PCCA: variants seen among roughly 807,000 people sequenced by gnomAD.
PCCA encodes propionyl-CoA carboxylase alpha chain, mitochondrial.
A neutral mutation model predicts 101.3 loss-of-function variants in PCCA; 74 were observed. The observed-to-expected ratio is 0.73, with a 90% confidence interval of 0.61 to 0.89. PCCA has a LOEUF of 0.89. Among genes scored for constraint, PCCA ranks in the 40% least tolerant of loss-of-function variants. PCCA has a pLI of 0.00. For synonymous variants in PCCA, 294 were observed against 313.6 expected (o/e 0.94, Z 0.66); for missense variants, 891 against 907.0 (o/e 0.98, Z 0.23).
intron 21 of PCCA, among the ~76,000 whole-genome samples, chr13:100,471,828 C>T (rs150972218): frequency 1.1e-4 from 17 of 152,302 alleles, no homozygotes; most frequent in South Asian, 2.1e-4. Context: ...CGGTGCTTCT[C>T]GTGTGCAGGC....
chr13:100,358,329 A>G (rs2074167718), intron 18 of PCCA, among the ~76,000 whole-genome samples: 3 of 152,226 alleles, frequency 2.0e-5, no homozygotes, highest in South Asian at 4.1e-4. Context: ...TTTACTTGGC[A>G]TGCAATCTAA....
At chr13:100,128,655 T>A (rs914023512) in intron 4 of PCCA, among the ~76,000 whole-genome samples, 3 of 152,188 alleles carry the variant, frequency 2.0e-5, no homozygotes, top group Admixed American at 6.5e-5. Flanking sequence ...CTCAGTACTC[T>A]ACTATAGAGT....
chr13:100,150,960 C>A (rs1187255267), intron 4 of PCCA: 12 of 1,519,084 alleles, frequency 7.9e-6, no homozygotes, highest in Non-Finnish European at 1.1e-5. Context: ...CGCGCTTTAT[C>A]AGGCTGGGTG....
At chr13:100,127,659 G>A (rs193289926) in intron 4 of PCCA, among the ~76,000 whole-genome samples, 5 of 152,262 alleles carry the variant, frequency 3.3e-5, no homozygotes, top group African/African-American at 9.6e-5. Flanking sequence ...TTGGGAGGCC[G>A]AGGCAGGCGG....
rs201735299 is a variant in PCCA, at chr13:100,390,461, AT to A, written c.1746+21888del. Among the ~76,000 whole-genome samples, 15 of 152,318 alleles carry A rather than the reference AT, an allele frequency of 9.8e-5. No homozygotes were observed. The East Asian group carries it at 2.9e-3, about 29-fold the overall frequency. On this transcript the variant is annotated intron_variant, in intron 19 of 23. Coordinates refer to ENST00000376285, the MANE Select transcript of PCCA (RefSeq NM_000282.4). The stretch of plus-strand genomic sequence containing the variant: ...GGAGATTCGGTCTCCAGTAGTATAA[AT>A]GGCAGTTGAACACGGGTTGAATTGA...
At chr13:100,144,307 C>T (rs1460022470) in intron 4 of PCCA, among the ~76,000 whole-genome samples, 1 of 152,100 alleles carries the variant, frequency 6.6e-6, no homozygotes, top group Admixed American at 6.5e-5. Flanking sequence ...CTTTTGGGAT[C>T]CCAGCAAAAA....
chr13:100,390,418 C>G (rs2076744998), intron 19 of PCCA, among the ~76,000 whole-genome samples: 2 of 152,048 alleles, frequency 1.3e-5, no homozygotes, highest in Admixed American at 1.3e-4. Context: ...GGTTCTGTGG[C>G]CCAGGAGAGA....
At chr13:100,162,580 T>C (rs916724180) in intron 6 of PCCA, among the ~76,000 whole-genome samples, 4 of 152,308 alleles carry the variant, frequency 2.6e-5, no homozygotes, top group South Asian at 2.1e-4. Flanking sequence ...CTCTTCCCCA[T>C]TGGTGTATCA....
chr13:100,266,856 A>T (rs1000816316), intron 10 of PCCA, among the ~76,000 whole-genome samples: 1 of 152,192 alleles, frequency 6.6e-6, no homozygotes, highest in African/African-American at 2.4e-5. Context: ...CTTTTTCAGG[A>T]AGCAGTATAG....
intron 22 of PCCA, among the ~76,000 whole-genome samples, chr13:100,516,698 A>C (rs908321213): frequency 6.6e-6 from 1 of 151,618 alleles, no homozygotes; most frequent in African/African-American, 2.4e-5. Context: ...TCTAATGCCC[A>C]CGTGTTAAGG....
intron 19 of PCCA, among the ~76,000 whole-genome samples, chr13:100,387,802 C>T (rs9554684): frequency 0.23 from 34,831 of 152,122 alleles, 4,756 homozygotes; most frequent in Middle Eastern, 0.4. Flanking sequence ...AATTGCTTGT[C>T]TAATTGGGTG....
chr13:100,278,685 G>C (rs912385013), intron 12 of PCCA, among the ~76,000 whole-genome samples: 3 of 152,094 alleles, frequency 2.0e-5, no homozygotes, highest in Non-Finnish European at 4.4e-5. Context: ...TCACCACGTT[G>C]ACCAGGATGG....
chr13:100,470,264 T>TG (rs397816916), intron 21 of PCCA, among the ~76,000 whole-genome samples: 4 of 152,046 alleles, frequency 2.6e-5, no homozygotes, highest in East Asian at 1.9e-4. Context: ...TGGGTTTTTT[T>TG]GGGGAATTTT....
intron 4 of PCCA, among the ~76,000 whole-genome samples, chr13:100,118,486 C>G (rs536367271): frequency 6.6e-6 from 1 of 152,204 alleles, no homozygotes; most frequent in African/African-American, 2.4e-5. Context: ...TGTATGGAAT[C>G]TATTTTCTCA....
chr13:100,098,052 G>A (rs992265238), intron 1 of PCCA, among the ~76,000 whole-genome samples: 2 of 151,724 alleles, frequency 1.3e-5, no homozygotes, highest in African/African-American at 4.8e-5. Context: ...GAAGCTAGGT[G>A]TGGTGGCAGG....
chr13:100,247,515 C>CTT (rs147450398), intron 8 of PCCA, among the ~76,000 whole-genome samples: 3 of 123,672 alleles, frequency 2.4e-5, no homozygotes, highest in African/African-American at 3.2e-5. Flanking sequence ...CGTGCCCGGC[C>CTT]TTTTTTTTTT....
At chr13:100,311,078 A>G (rs2066876288) in intron 16 of PCCA, among the ~76,000 whole-genome samples, 1 of 151,876 alleles carries the variant, frequency 6.6e-6, no homozygotes, top group African/African-American at 2.4e-5. Flanking sequence ...TACTAAAAAT[A>G]CAAAAATTAG....
chr13:100,408,791 G>C (rs940980429), intron 19 of PCCA, among the ~76,000 whole-genome samples: 1 of 152,182 alleles, frequency 6.6e-6, no homozygotes, highest in African/African-American at 2.4e-5. Context: ...TAGTTCCGGG[G>C]TGGGGGTCTG....
At chr13:100,138,649 T>A (rs2051465470) in intron 4 of PCCA, among the ~76,000 whole-genome samples, 1 of 152,116 alleles carries the variant, frequency 6.6e-6, no homozygotes, top group Admixed American at 6.6e-5. Flanking sequence ...TTTGAAAATG[T>A]CTTGGCTGGG....
Sources: allele counts gnomAD v4.1 joint callset (sites outside exome capture counted in the v4.1 genomes callset), GRCh38; gene constraint gnomAD v4.1.1; transcripts MANE v1.5; gene names NCBI Gene and HGNC (gene_info 2026-07-23, HGNC 2026-07-21).